Variants in BRME1 observed in about 807,000 individuals in gnomAD.
BRME1 encodes the protein break repair meiotic recombinase recruitment factor 1.
A neutral mutation model predicts 52.6 loss-of-function variants in BRME1; 31 were observed. The observed-to-expected ratio is 0.59, with a 90% CI of 0.44 to 0.80. BRME1 has a LOEUF of 0.80. Ranked by LOEUF, BRME1 falls within the 30% of genes least tolerant of loss-of-function variation. The probability of loss-of-function intolerance (pLI) is 0.00; values close to 1 mark genes in which losing one functional copy is unlikely to be tolerated. For missense variants in BRME1, 804 were observed against 860.3 expected (o/e 0.93, Z 0.82); for synonymous variants, 359 against 353.6 (o/e 1.02, Z -0.17).
At position 13,889,741 on chromosome 19, in the gene BRME1, C is replaced by A; in HGVS notation, c.1115G>T (p.Arg372Met). The part of the protein sequence containing the change: ...QASAISPASP[R>M]RKAADGGHRR... ...GTGGCCTCCATCAGCGGCCTTCCTC[C>A]TGGGAGAGGCAGGTGATATGGCACT... is the stretch of plus-strand genomic sequence containing the variant. Residue 372 changes from arginine (R) to methionine (M), a missense_variant, in exon 6 of 9, where the codon AGG becomes ATG. Transcript: ENST00000586783. 6.2e-7 allele frequency: 1 copy of A among 1,609,230 alleles called. No homozygotes were observed. The highest frequency in any genetic ancestry group is 8.5e-7 in the Non-Finnish European group (1 of 1,178,556).
At chr19:13,897,565 T>G (rs765869581) in intron 2 of BRME1, among the ~76,000 whole-genome samples, 5 of 152,198 alleles carry the variant, frequency 3.3e-5, no homozygotes, top group Admixed American at 6.6e-5. Context: ...TGTCCATGAT[T>G]AAAATATTGG....
Position 13,883,005 on chromosome 19 carries a change from G to A in BRME1, c.1857-53C>T. ...GGGGCTCAGTGGTCACCAGGTGACA[G>A]AGGGGGCCGCGCCTCACAGCCACAT... is the stretch of plus-strand genomic sequence containing the variant. On this transcript the variant is annotated intron_variant, in intron 8 of 8. Coordinates refer to ENST00000586783, the MANE Select transcript of BRME1 (RefSeq NM_001345843.2). The surrounding 1 kb of genome is among the most constrained non-coding windows in gnomAD (Gnocchi z 4.2). 1 of 1,582,380 alleles carries A rather than the reference G, an allele frequency of 6.3e-7. No individual in the cohort carries two copies. The highest frequency in any genetic ancestry group is 8.6e-7 in the Non-Finnish European group (1 of 1,165,280).
At chr19:13,884,678 C>T (rs1223713269) in intron 7 of BRME1, among the ~76,000 whole-genome samples, 1 of 152,042 alleles carries the variant, frequency 6.6e-6, no homozygotes, top group East Asian at 1.9e-4. Flanking sequence ...AGAACACCTC[C>T]CCCACCCCAC....
At chr19:13,893,859 A>AT (rs1177999158) in intron 3 of BRME1, among the ~76,000 whole-genome samples, 1 of 151,990 alleles carries the variant, frequency 6.6e-6, no homozygotes, top group Non-Finnish European at 1.5e-5. Flanking sequence ...TCAGGCTGCA[A>AT]TGAGCTATGA....
Position 13,894,440 on chromosome 19 carries a change from G to A in BRME1, c.206+932C>T, listed in dbSNP as rs553381162. Among the ~76,000 whole-genome samples, 4 of 152,118 alleles carry A rather than the reference G, an allele frequency of 2.6e-5. No individual in the cohort carries two copies. In the East Asian group the frequency reaches 5.8e-4, roughly 22 times the overall value. ...CTCAGGAGGCTGAGGCAGGAGAATCGCTTGAACCCGGGAGGTGGAGGTTGC... is the reference window on the plus strand; with the variant it reads ...CTCAGGAGGCTGAGGCAGGAGAATCACTTGAACCCGGGAGGTGGAGGTTGC... On this transcript the variant is annotated intron_variant, in intron 3 of 8. Coordinates refer to ENST00000586783, the MANE Select transcript of BRME1 (RefSeq NM_001345843.2).
rs567952553 is a variant in BRME1, at chr19:13,886,021, C to A, written c.1703G>T (p.Trp568Leu). Residue 568 changes from tryptophan (W) to leucine (L), a missense_variant, in exon 7 of 9, where the codon TGG (tryptophan) becomes TTG (leucine). Trp to Leu is a moderately conservative substitution (Grantham distance 61). Coordinates refer to ENST00000586783, the MANE Select transcript of BRME1 (RefSeq NM_001345843.2). ...ATTGGCATGTGAGCTGGGGCCCGGC[C>A]AGCAAGGGCCCGGCTTGTTCCCCGA... Reference protein sequence around the residue: ...FPSGNKPGPCWPGPSSHANGD... With the variant: ...FPSGNKPGPCLPGPSSHANGD... The A allele has an allele frequency of 1.2e-6, 2 of 1,614,016 alleles. No homozygotes were observed. The highest frequency in any genetic ancestry group is 1.3e-5 in the African/African-American group (1 of 75,056).
rs1969234184 is a variant in BRME1, at chr19:13,888,926, G to T, written c.1668+262C>A. 6.6e-6 allele frequency among the ~76,000 whole-genome samples: 1 copy of T among 152,120 alleles called. No homozygotes were observed. The highest frequency in any genetic ancestry group is 1.5e-5 in the Non-Finnish European group (1 of 68,034). ...TCCTGGGGACTCCAGTTCAATGTGG[G>T]GGGCCCGGCTGAGAAAGCAGCTGTG... On this transcript the variant is annotated intron_variant, in intron 6 of 8. Coordinates refer to ENST00000586783, the MANE Select transcript of BRME1 (RefSeq NM_001345843.2). This position sits in a 1 kb window ranked among gnomAD's most constrained non-coding sequence, Gnocchi z 4.1.
Position 13,898,769 on chromosome 19 carries a change from C to CAAA in BRME1, c.32-3226_32-3224dup, listed in dbSNP as rs1405933684. On this transcript the variant is annotated intron_variant, in intron 2 of 8. Transcript: ENST00000586783. ...AGAAACCCTGTCTCTACTAAAAATA[C>CAAA]AAAATTAGCCGGGCATGGTGGCTCA... Among the ~76,000 whole-genome samples, 11 of 149,404 alleles carry CAAA rather than the reference C, an allele frequency of 7.4e-5. No individual in the cohort carries two copies. The East Asian group carries it at 2.2e-3, about 30-fold the overall frequency.
rs1968718844 is a variant in BRME1 at position 13,882,738 on chromosome 19, A to G, written c.*64T>C. 6.3e-7 allele frequency: 1 copy of G among 1,597,586 alleles called. No homozygotes were observed. The highest frequency in any genetic ancestry group is 2.2e-5 in the East Asian group (1 of 44,790). The stretch of plus-strand genomic sequence containing the variant: ...AGGGTCCACTAGGACCCCCTGGAGC[A>G]TCTTGGAGGAGGTCTGCGGACATGG... On this transcript the variant is annotated 3_prime_UTR_variant, in exon 9 of 9. Transcript: ENST00000586783.
chr19:13,886,969 A>C (rs1463454210), intron 6 of BRME1, among the ~76,000 whole-genome samples: 5 of 152,176 alleles, frequency 3.3e-5, no homozygotes, highest in Non-Finnish European at 2.9e-5. Context: ...CCCTGTCTCT[A>C]AAATTTAAAT....
Position 13,882,719 on chromosome 19 carries a change from C to T in BRME1, c.*83G>A, listed in dbSNP as rs1968717612. ...CAACTGAAGGGAGGTTTGTAGGGTC[C>T]ACTAGGACCCCCTGGAGCATCTTGG... On this transcript the variant is annotated 3_prime_UTR_variant, in exon 9 of 9. Transcript: ENST00000586783. The T allele has an allele frequency of 1.3e-6, 2 of 1,569,090 alleles. No individual in the cohort carries two copies. The highest frequency in any genetic ancestry group is 1.7e-6 in the Non-Finnish European group (2 of 1,154,112).
intron 2 of BRME1, among the ~76,000 whole-genome samples, chr19:13,896,663 T>C (rs945543780): frequency 2.3e-4 from 34 of 147,596 alleles, no homozygotes; most frequent in Non-Finnish European, 4.3e-4. Flanking sequence ...TTTACATATA[T>C]GTATTTATGT....
Position 13,882,653 on chromosome 19 carries a change from A to T in BRME1, c.*149T>A. 1 of 1,033,102 alleles carries T rather than the reference A, an allele frequency of 9.7e-7. No individual in the cohort carries two copies. The highest frequency in any genetic ancestry group is 1.4e-6 in the Non-Finnish European group (1 of 699,650). 64.0% of individuals were successfully genotyped at this position (1,033,102 alleles called of 1,614,324 possible). A position where few individuals can be genotyped will look rare whatever the true frequency, so the allele number is the denominator to read the frequency against. On this transcript the variant is annotated 3_prime_UTR_variant, in exon 9 of 9. Coordinates refer to ENST00000586783, the MANE Select transcript of BRME1 (RefSeq NM_001345843.2). ...CCTGGCCAGGTGAGGCCAGGACCTC[A>T]CGGCCTCCTTTGTGTTGTCCATGGA...
intron 3 of BRME1, among the ~76,000 whole-genome samples, chr19:13,893,736 G>A (rs553639417): frequency 2.0e-5 from 3 of 152,148 alleles, no homozygotes; most frequent in African/African-American, 7.2e-5. Flanking sequence ...GAGCAACATA[G>A]TGAGACCCCT....
At chr19:13,898,848 G>A (rs942659817) in intron 2 of BRME1, among the ~76,000 whole-genome samples, 4 of 149,924 alleles carry the variant, frequency 2.7e-5, no homozygotes, top group Non-Finnish European at 5.9e-5. Flanking sequence ...GCTTGAACCC[G>A]GGAGGCGGAG....
chr19:13,896,864 C>A (rs1969941391), intron 2 of BRME1, among the ~76,000 whole-genome samples: 1 of 151,436 alleles, frequency 6.6e-6, no homozygotes, highest in African/African-American at 2.4e-5. Context: ...GCTAAGTTTT[C>A]TTTTGCTTTT....
chr19:13,897,696 T>A (rs1270083000), intron 2 of BRME1, among the ~76,000 whole-genome samples: 2 of 151,934 alleles, frequency 1.3e-5, no homozygotes, highest in Non-Finnish European at 2.9e-5. Flanking sequence ...CGAAACCCTG[T>A]CTAAAAAGTA....
At chr19:13,896,627 C>T (rs1255110273) in intron 2 of BRME1, among the ~76,000 whole-genome samples, 1 of 144,384 alleles carries the variant, frequency 6.9e-6, no homozygotes, top group Non-Finnish European at 1.5e-5. Context: ...TGTATTTATA[C>T]ATACATATGT....
rs1401284023 is a variant in BRME1 at position 13,890,462 on chromosome 19, C to A, written c.394G>T (p.Glu132Ter). ...TGGGCGCTGGACTCTGCGATTGTTT[C>A]CTGTGGACAGAAAAAGACTCAGCCC... ...EDRGSGAFSL[E>*]TIAESSAQSP... Residue 132 changes from glutamate to a stop codon, truncating the protein, a stop_gained and splice_region_variant, in exon 6 of 9, where the codon GAA (glutamate) becomes TAA (stop). Coordinates refer to ENST00000586783, the MANE Select transcript of BRME1 (RefSeq NM_001345843.2). LOFTEE classifies it high-confidence loss of function. 6.7e-7 allele frequency: 1 copy of A among 1,486,290 alleles called. No homozygotes were observed. The highest frequency in any genetic ancestry group is 2.4e-5 in the Admixed American group (1 of 41,782). 92.1% of individuals were successfully genotyped at this position (1,486,290 alleles called of 1,614,324 possible).
Sources: gnomAD v4.1 joint callset for allele counts (sites outside exome capture counted in the v4.1 genomes callset) on GRCh38, gnomAD v4.1.1 for gene constraint, Gnocchi (gnomAD v3.1) non-coding constraint, MANE v1.5 for transcripts, NCBI Gene and HGNC (gene_info 2026-07-23, HGNC 2026-07-21) for gene names.